The following ANO10 variants were observed in gnomAD, a reference collection of about 807,000 sequenced individuals.
ANO10 encodes the protein anoctamin-10.
A neutral mutation model predicts 74.7 loss-of-function variants in ANO10; 77 were observed. That is an observed-to-expected ratio of 1.03 (90% CI 0.86 to 1.25). The LOEUF (loss-of-function observed/expected upper bound fraction) is 1.25. ANO10 is among the 50% of genes most tolerant of loss of function. ANO10 has a pLI of 0.00. For missense variants in ANO10, 721 were observed against 778.1 expected, an observed-to-expected ratio of 0.93 and a Z score of 0.87; for synonymous variants, 279 against 284.9, an observed-to-expected ratio of 0.98 and a Z score of 0.21.
At position 43,688,280 on chromosome 3, in the gene ANO10, T is replaced by C. The variant is rs559334435; in HGVS notation, c.-12+3237A>G. On this transcript the variant is annotated intron_variant, in intron 1 of 3. Transcript: ENST00000413397. ...CTGCAAAATCCTAAGGTTTCATTAC[T>C]GGACTCAGTACCACTGGGCTTGCAC... 1.6e-4 allele frequency among the ~76,000 whole-genome samples: 25 copies of C among 152,330 alleles called. 2 individuals are homozygous for C. In the South Asian group the frequency reaches 4.8e-3, roughly 29 times the overall value.
chr3:43,623,314 ATTG>A (rs764310460), upstream of ANO10, among the ~76,000 whole-genome samples: 2 of 152,148 alleles, frequency 1.3e-5, no homozygotes, highest in African/African-American at 2.4e-5. Flanking sequence ...ATTATTATTC[ATTG>A]TTGTTAATCC....
At chr3:43,408,241 A>G (rs570042368) in intron 12 of ANO10, among the ~76,000 whole-genome samples, 2 of 152,244 alleles carry the variant, frequency 1.3e-5, no homozygotes, top group South Asian at 4.1e-4. Flanking sequence ...TGTTACCATA[A>G]TTAGCAGTTC....
chr3:43,644,840 A>G (rs2083709779), intron 1 of ANO10, among the ~76,000 whole-genome samples: 1 of 152,126 alleles, frequency 6.6e-6, no homozygotes, highest in Admixed American at 6.5e-5. Flanking sequence ...TGGTGCTGGC[A>G]CCCTGGGTGT....
intron 1 of ANO10, among the ~76,000 whole-genome samples, chr3:43,643,948 T>G (rs768430068): frequency 3.9e-5 from 6 of 152,178 alleles, no homozygotes; most frequent in Admixed American, 2.0e-4. Context: ...TCTCCCAAAG[T>G]GCTGGGATTA....
rs376644560 is a variant in ANO10 at position 43,366,468 on chromosome 3, T to C, written c.*438A>G. The C allele has an allele frequency of 9.8e-6, 3 of 306,798 alleles. No homozygotes were observed. Among genetic ancestry groups the C allele is most frequent in the Non-Finnish European group, 1.9e-5 (3 of 157,276 alleles). 19.0% of individuals were successfully genotyped at this position (306,798 alleles called of 1,614,324 possible). A position where few individuals can be genotyped will look rare whatever the true frequency, so the allele number is the denominator to read the frequency against. On this transcript the variant is annotated 3_prime_UTR_variant, in exon 13 of 13. Coordinates refer to ENST00000292246, the MANE Select transcript of ANO10 (RefSeq NM_018075.5). Reference sequence around the variant, plus strand: ...CACTGCCTTACTGTACCCCGCTCACTCTCAACTGAGGCTCCTGTGATGAGC... The same window carrying C: ...CACTGCCTTACTGTACCCCGCTCACCCTCAACTGAGGCTCCTGTGATGAGC...
intron 12 of ANO10, among the ~76,000 whole-genome samples, chr3:43,378,029 T>G (rs1203179224): frequency 6.6e-6 from 1 of 152,168 alleles, no homozygotes; most frequent in Non-Finnish European, 1.5e-5. Flanking sequence ...ACAATTTCAC[T>G]GTCGCATGAG....
intron 4 of ANO10, among the ~76,000 whole-genome samples, chr3:43,591,246 A>ATGGGTGTCCC (rs2149447792): frequency 6.6e-6 from 1 of 152,238 alleles, no homozygotes; most frequent in African/African-American, 2.4e-5. Flanking sequence ...ATCCCTCCAG[A>ATGGGTGTCCC]TCAGGCAGGG....
intron 11 of ANO10, among the ~76,000 whole-genome samples, chr3:43,514,434 A>T (rs551268690): frequency 3.1e-4 from 47 of 152,334 alleles, no homozygotes; most frequent in African/African-American, 1.0e-3. Flanking sequence ...CATGAAGATG[A>T]TGAAACAATT....
At chr3:43,654,319 G>T (rs188548657) in intron 1 of ANO10, among the ~76,000 whole-genome samples, 120 of 152,090 alleles carry the variant, frequency 7.9e-4, no homozygotes, top group African/African-American at 2.8e-3. Flanking sequence ...TACTCTGTTG[G>T]GTCTCCTTTT....
At chr3:43,462,937 G>C (rs1315128795) in intron 11 of ANO10, among the ~76,000 whole-genome samples, 1 of 152,214 alleles carries the variant, frequency 6.6e-6, no homozygotes, top group Non-Finnish European at 1.5e-5. Context: ...GTGGTGTTGA[G>C]GCTGTGAGCA....
At position 43,415,224 on chromosome 3, in the gene ANO10, G is replaced by A. The variant is rs187058904; in HGVS notation, c.1914+17387C>T. 6.1e-4 allele frequency among the ~76,000 whole-genome samples: 92 copies of A among 152,042 alleles called. 1 individual carries two copies. The highest frequency in any genetic ancestry group is 1.8e-3 in the African/African-American group (73 of 41,478). ...ACTCCTGACCTCAAGTGATCTGCCCGCCTTGGCCTCCTCAAGTGCTGGGAT... is the reference window on the plus strand; with the variant it reads ...ACTCCTGACCTCAAGTGATCTGCCCACCTTGGCCTCCTCAAGTGCTGGGAT... On this transcript the variant is annotated intron_variant, in intron 12 of 12. Coordinates refer to ENST00000292246, the MANE Select transcript of ANO10 (RefSeq NM_018075.5).
intron 11 of ANO10, among the ~76,000 whole-genome samples, chr3:43,516,885 T>C (rs898556572): frequency 1.3e-5 from 2 of 152,112 alleles, no homozygotes; most frequent in Non-Finnish European, 2.9e-5. Context: ...AGCACAGGGG[T>C]AGGGCTCCAG....
At chr3:43,547,311 A>T (rs1042623244) in intron 11 of ANO10, among the ~76,000 whole-genome samples, 5 of 152,224 alleles carry the variant, frequency 3.3e-5, no homozygotes, top group Middle Eastern at 3.2e-3. Flanking sequence ...ATTACAACAG[A>T]AAGGAAAATG....
chr3:43,530,333 C>T (rs188705347), intron 11 of ANO10, among the ~76,000 whole-genome samples: 98 of 97,588 alleles, frequency 1.0e-3, no homozygotes, highest in East Asian at 7.5e-3. Context: ...AACAAGTGAA[C>T]GAAAAGTAAG....
chr3:43,370,054 C>A (rs1303409131), intron 12 of ANO10, among the ~76,000 whole-genome samples: 1 of 152,118 alleles, frequency 6.6e-6, no homozygotes, highest in African/African-American at 2.4e-5. Flanking sequence ...GGGGGTCATG[C>A]GACGTACAAC....
At chr3:43,513,127 A>G (rs543936501) in intron 11 of ANO10, among the ~76,000 whole-genome samples, 4 of 152,152 alleles carry the variant, frequency 2.6e-5, no homozygotes, top group Admixed American at 2.6e-4. Flanking sequence ...ATGTGAGGAA[A>G]CTATCTGAGG....
chr3:43,581,334 C>A (rs1195093420), intron 4 of ANO10, among the ~76,000 whole-genome samples: 4 of 152,144 alleles, frequency 2.6e-5, no homozygotes, highest in Non-Finnish European at 4.4e-5. Context: ...TTTTAGCAGT[C>A]ATTTGACTAG....
intron 11 of ANO10, among the ~76,000 whole-genome samples, chr3:43,543,087 C>T (rs1338544152): frequency 6.6e-6 from 1 of 152,180 alleles, no homozygotes; most frequent in Non-Finnish European, 1.5e-5. Context: ...ATAGAATCCA[C>T]ATTTGTATAG....
chr3:43,425,255 C>G (rs1448482359), intron 12 of ANO10, among the ~76,000 whole-genome samples: 1 of 141,138 alleles, frequency 7.1e-6, no homozygotes, highest in Non-Finnish European at 1.5e-5. Flanking sequence ...GTTGCCCAGG[C>G]TGGTCTCAAG....
Sources: gnomAD v4.1 joint callset for allele counts (sites outside exome capture counted in the v4.1 genomes callset) on GRCh38, gnomAD v4.1.1 for gene constraint, MANE v1.5 for transcripts, NCBI Gene and HGNC (gene_info 2026-07-23, HGNC 2026-07-21) for gene names.